The following CPM variants were observed in gnomAD, a reference collection of about 807,000 sequenced individuals.
The protein encoded by CPM is renal carboxypeptidase.
CPM carries 35 observed loss-of-function variants against 46.4 expected under a neutral mutation model. The ratio of observed to expected loss-of-function variants is 0.75; its 90% CI spans 0.58 to 1.00. The LOEUF is 1.00. CPM is among the 50% of genes least tolerant of loss of function. CPM has a pLI of 0.00. For missense variants in CPM, 422 were observed against 530.4 expected, an observed-to-expected ratio of 0.80 and a Z score of 2.01; for synonymous variants, 195 against 195.3, an observed-to-expected ratio of 1.00 and a Z score of 0.01.
intron 2 of CPM, among the ~76,000 whole-genome samples, chr12:68,894,514 C>T (rs1316640716): frequency 6.6e-6 from 1 of 152,124 alleles, no homozygotes; most frequent in East Asian, 1.9e-4. Context: ...CTTTCTGCAC[C>T]CTAGTACCCT....
Position 68,856,219 on chromosome 12 carries a change from G to T in CPM, c.*218C>A. The T allele has an allele frequency of 1.8e-6, 1 of 557,546 alleles. No individual in the cohort carries two copies. Among genetic ancestry groups the T allele is most frequent in the South Asian group, 2.6e-5 (1 of 38,640 alleles). 34.5% of individuals were successfully genotyped at this position (557,546 alleles called of 1,614,324 possible). ...GAGTGTAAATGAGCAGTACTTGTTA[G>T]GTAAGTGTCTTCCATTCACCGTCAA... On this transcript the variant is annotated 3_prime_UTR_variant, in exon 9 of 9. Transcript: ENST00000551568.
chr12:68,947,596 C>CAAA (rs908158713), intron 1 of CPM, among the ~76,000 whole-genome samples: 1 of 121,082 alleles, frequency 8.3e-6, no homozygotes, highest in African/African-American at 3.0e-5. Flanking sequence ...GACTCTGTCT[C>CAAA]AAAAAAAAAA....
Position 68,862,654 on chromosome 12 carries a change from C to A in CPM, c.941-3583G>T, listed in dbSNP as rs1471114884. Among the ~76,000 whole-genome samples, 8 of 104,116 alleles carry A rather than the reference C, an allele frequency of 7.7e-5. No individual in the cohort carries two copies. In the East Asian group the frequency reaches 1.6e-3, roughly 20 times the overall value. The allele number at this position is 104,116 out of a possible 152,430, so 68.3% of individuals were successfully genotyped here. A position where few individuals can be genotyped will look rare whatever the true frequency, so the allele number is the denominator to read the frequency against. ...TATGGAATTTATATTCAAAGGAAAA[C>A]CCCTCCCACCAGCCAAATAAAAGCG... On this transcript the variant is annotated intron_variant, in intron 7 of 8. Coordinates refer to ENST00000551568, the MANE Select transcript of CPM (RefSeq NM_198320.5).
At chr12:68,898,714 A>G (rs1215706676) in intron 2 of CPM, among the ~76,000 whole-genome samples, 3 of 152,236 alleles carry the variant, frequency 2.0e-5, no homozygotes, top group Non-Finnish European at 2.9e-5. Context: ...CATAATGATG[A>G]AATGTGCAGG....
chr12:68,942,939 C>T (rs1424151548), intron 1 of CPM, among the ~76,000 whole-genome samples: 1 of 152,074 alleles, frequency 6.6e-6, no homozygotes, highest in Non-Finnish European at 1.5e-5. Context: ...AAAATCTAAA[C>T]GTTTGAAATT....
chr12:68,847,147 CATAT>C (rs63483363), downstream of CPM: 3 of 120,618 alleles, frequency 2.5e-5, no homozygotes, highest in African/African-American at 1.1e-4. Flanking sequence ...ACATATATTA[CATAT>C]ATATATATAA....
chr12:68,866,178 T>C (rs1885434213), intron 7 of CPM, among the ~76,000 whole-genome samples: 1 of 152,214 alleles, frequency 6.6e-6, no homozygotes, highest in Non-Finnish European at 1.5e-5. Context: ...TCCAGTGTTC[T>C]CAGGGTCCTT....
intron 2 of CPM, among the ~76,000 whole-genome samples, chr12:68,910,281 C>T (rs1887541374): frequency 6.6e-6 from 1 of 152,162 alleles, no homozygotes; most frequent in Non-Finnish European, 1.5e-5. Context: ...TGAGGTATCT[C>T]TATATGTACT....
intron 1 of CPM, among the ~76,000 whole-genome samples, chr12:68,960,063 A>G (rs1889086112): frequency 6.6e-6 from 1 of 152,186 alleles, no homozygotes; most frequent in Non-Finnish European, 1.5e-5. Context: ...CGGCCTTTTT[A>G]TGGCTTTTGA....
chr12:68,934,944 A>G (rs1231493188), upstream of CPM, among the ~76,000 whole-genome samples: 5 of 151,888 alleles, frequency 3.3e-5, no homozygotes, highest in Non-Finnish European at 1.5e-5. Context: ...TGGAGTCTCA[A>G]TTCTGTTGCC....
chr12:68,907,306 G>T (rs1384338314), intron 2 of CPM, among the ~76,000 whole-genome samples: 1 of 152,210 alleles, frequency 6.6e-6, no homozygotes, highest in African/African-American at 2.4e-5. Flanking sequence ...TTATTAGGGT[G>T]ATTCTGCGAA....
Position 68,856,617 on chromosome 12 carries a change from G to C in CPM, c.1152C>G (p.Asn384Lys). The change falls in exon 9 of 9, where the codon AAC (asparagine) becomes AAG (lysine). Residue 384 changes from asparagine (N) to lysine (K), a missense_variant. By Grantham distance (94) the Asn-to-Lys change is moderately conservative (BLOSUM62 0). Coordinates refer to ENST00000551568, the MANE Select transcript of CPM (RefSeq NM_198320.5). ...TKVIIPEKSQ[N>K]FSALKKDILL... is the part of the protein sequence containing the mutation. ...GAATATCCTTTTTAAGAGCACTGAA[G>C]TTCTGGGATTTCTCCGGAATAATCA... 6.2e-7 allele frequency: 1 copy of C among 1,614,232 alleles called. No homozygotes were observed. The highest frequency in any genetic ancestry group is 8.5e-7 in the Non-Finnish European group (1 of 1,180,016).
intron 2 of CPM, among the ~76,000 whole-genome samples, chr12:68,891,737 G>GTT (rs369026572): frequency 6.6e-6 from 1 of 150,970 alleles, no homozygotes; most frequent in Non-Finnish European, 1.5e-5. Flanking sequence ...GTTTTTTTGG[G>GTT]TTTTTTTTTG....
At chr12:68,953,811 T>C (rs1888972674) in intron 1 of CPM, among the ~76,000 whole-genome samples, 1 of 152,254 alleles carries the variant, frequency 6.6e-6, no homozygotes, top group Admixed American at 6.5e-5. Context: ...ATGATTCCAG[T>C]TGCACTTTGT....
upstream of CPM, among the ~76,000 whole-genome samples, chr12:68,935,642 T>C (rs1888662165): frequency 6.6e-6 from 1 of 151,962 alleles, no homozygotes; most frequent in African/African-American, 2.4e-5. Flanking sequence ...GTAGGTTTTT[T>C]TTTTTTTAAT....
intron 1 of CPM, among the ~76,000 whole-genome samples, chr12:68,938,809 C>T (rs1199562491): frequency 6.7e-6 from 1 of 149,202 alleles, no homozygotes; most frequent in Non-Finnish European, 1.5e-5. Flanking sequence ...TGTGTGTATA[C>T]ACACACACAC....
At chr12:68,865,707 A>G (rs1885412346) in intron 7 of CPM, among the ~76,000 whole-genome samples, 1 of 151,960 alleles carries the variant, frequency 6.6e-6, no homozygotes, top group Non-Finnish European at 1.5e-5. Context: ...TTCTCTCCCC[A>G]AGCCATTCTG....
rs543848522 is a variant in CPM, at chr12:68,895,698, G to C, written c.161-9809C>G. On this transcript the variant is annotated intron_variant, in intron 2 of 8. Transcript: ENST00000551568. ...AAGAAATCTTAGAAAATGTGTTTTA[G>C]GCCAGACACAGTGGCTCACGCCTGT... Among the ~76,000 whole-genome samples, 136 of 152,266 alleles carry C rather than the reference G, an allele frequency of 8.9e-4. 1 individual carries two copies. Among genetic ancestry groups the C allele is most frequent in the African/African-American group, 3.2e-3 (131 of 41,550 alleles).
At chr12:68,881,658 C>T (rs1325978144) in intron 3 of CPM, among the ~76,000 whole-genome samples, 2 of 151,692 alleles carry the variant, frequency 1.3e-5, no homozygotes, top group African/African-American at 2.4e-5. Flanking sequence ...TTGGGAAGGT[C>T]AGTATATAAT....
Sources: allele counts gnomAD v4.1 joint callset (sites outside exome capture counted in the v4.1 genomes callset), GRCh38; gene constraint gnomAD v4.1.1; transcripts MANE v1.5; gene names NCBI Gene and HGNC (gene_info 2026-07-23, HGNC 2026-07-21).